Variants in GJA9 observed in about 807,000 individuals in gnomAD.
GJA9 encodes gap junction alpha-9 protein.
In GJA9, 1 loss-of-function variant was observed where a neutral mutation model predicts 0.4. The observed-to-expected ratio is 2.50, with a 90% confidence interval of 0.89 to 11.88. GJA9 has a LOEUF of 11.88. Among genes scored for constraint, GJA9 ranks in the 30% most tolerant of loss-of-function variants. The pLI, the probability that GJA9 is intolerant of heterozygous loss-of-function variation, is 0.12. For synonymous variants in GJA9, 190 were observed against 219.1 expected (o/e 0.87, Z 1.17); for missense variants, 550 against 602.8 (o/e 0.91, Z 0.92).
Position 38,875,735 on chromosome 1 carries a change from C to G in GJA9, c.364G>C (p.Glu122Gln), listed in dbSNP as rs1386677089. The change falls in exon 2 of 2, where the codon GAG becomes CAG. Residue 122 changes from glutamate to glutamine, a missense_variant. Transcript: ENST00000357771. The part of the protein sequence containing the change: ...AQLRVELEEV[E>Q]FEMPRDRRRL... ...CTCCGATCCCTAGGCATTTCAAACT[C>G]TACCTCCTCCAGTTCTACTCTTAAC... is the stretch of plus-strand genomic sequence containing the variant. 2 of 1,614,246 alleles carry G rather than the reference C, an allele frequency of 1.2e-6. No homozygotes were observed. The highest frequency in any genetic ancestry group is 4.5e-5 in the East Asian group (2 of 44,884).
chr1:38,881,317 A>G, intron 1 of GJA9, 115 bp downstream of exon 1: 1 of 515,754 alleles, frequency 1.9e-6, no homozygotes, highest in Non-Finnish European at 3.4e-6. Context: ...TTTCATAGCA[A>G]ATGACATAAA....
At chr1:38,879,514 C>T (rs1285148641) in intron 1 of GJA9, among the ~76,000 whole-genome samples, 5 of 152,186 alleles carry the variant, frequency 3.3e-5, no homozygotes, top group African/African-American at 1.2e-4. Flanking sequence ...ATCATTGTGG[C>T]TTTAGAGTCA....
intron 1 of GJA9, 176 bp from the exon 2 acceptor site, chr1:38,876,369 A>G: frequency 4.8e-6 from 2 of 418,560 alleles, no homozygotes; most frequent in Non-Finnish European, 4.4e-6. Flanking sequence ...AACCTCCCAG[A>G]CTCAAGCGAT....
At chr1:38,880,487 A>G (rs901355171) in intron 1 of GJA9, among the ~76,000 whole-genome samples, 3 of 150,692 alleles carry the variant, frequency 2.0e-5, no homozygotes, top group African/African-American at 7.3e-5. Context: ...AAGCACTTTA[A>G]AATGTAAGCA....
At chr1:38,877,953 A>T (rs1371640161) in intron 1 of GJA9, among the ~76,000 whole-genome samples, 1 of 152,248 alleles carries the variant, frequency 6.6e-6, no homozygotes, top group Non-Finnish European at 1.5e-5. Context: ...AATTGAAATA[A>T]ATTTGAAATA....
At chr1:38,877,808 G>C (rs549912968) in intron 1 of GJA9, among the ~76,000 whole-genome samples, 1 of 152,214 alleles carries the variant, frequency 6.6e-6, no homozygotes, top group African/African-American at 2.4e-5. Flanking sequence ...AAAAGTCAGT[G>C]ATTTTTAAAT....
intron 1 of GJA9, among the ~76,000 whole-genome samples, chr1:38,877,202 G>C (rs1242267277): frequency 6.6e-6 from 1 of 150,966 alleles, no homozygotes; most frequent in Non-Finnish European, 1.5e-5. Flanking sequence ...ACCATGCCCG[G>C]ATAATTTTGT....
At position 38,876,381 on chromosome 1, in the gene GJA9, A is replaced by G; in HGVS notation, c.-95-188T>C. 3 of 390,178 alleles carry G rather than the reference A, an allele frequency of 7.7e-6. No homozygotes were observed. In the South Asian group the frequency reaches 1.1e-4, roughly 14 times the overall value. 24.2% of individuals were successfully genotyped at this position (390,178 alleles called of 1,614,324 possible). On this transcript the variant is annotated intron_variant, in intron 1 of 1. Coordinates refer to ENST00000357771, the MANE Select transcript of GJA9 (RefSeq NM_030772.5). ...CTCAACCTCCCAGACTCAAGCGATCATCTCCCCTCTCAGCCTCCTGAGTAG... is the reference window on the plus strand; with the variant it reads ...CTCAACCTCCCAGACTCAAGCGATCGTCTCCCCTCTCAGCCTCCTGAGTAG...
intron 1 of GJA9, among the ~76,000 whole-genome samples, chr1:38,876,868 T>C (rs908322822): frequency 5.9e-5 from 9 of 151,580 alleles, no homozygotes; most frequent in Admixed American, 3.3e-4. Flanking sequence ...TGGCAGGCGC[T>C]TGTAGTCCCA....
chr1:38,881,340 T>G (rs1231840035), intron 1 of GJA9, 92 bp downstream of exon 1: 1 of 667,590 alleles, frequency 1.5e-6, no homozygotes. Context: ...CTGGTATACA[T>G]ATATACAGTA....
intron 1 of GJA9, among the ~76,000 whole-genome samples, chr1:38,876,613 G>A (rs1362730536): frequency 6.6e-6 from 1 of 152,056 alleles, no homozygotes; most frequent in Non-Finnish European, 1.5e-5. Context: ...ATACTTAAAT[G>A]TCAGGAATTT....
intron 1 of GJA9, among the ~76,000 whole-genome samples, chr1:38,880,451 A>ATAG (rs1642676666): frequency 7.3e-6 from 1 of 136,290 alleles, no homozygotes; most frequent in Non-Finnish European, 1.6e-5. Flanking sequence ...AATAATAATA[A>ATAG]TAGCATACTC....
At chr1:38,876,278 T>C (rs1642586525) in intron 1 of GJA9, 85 bp from the exon 2 acceptor site, 1 of 615,874 alleles carries the variant, frequency 1.6e-6, no homozygotes, top group African/African-American at 1.9e-5. Flanking sequence ...TTTTTCTTTG[T>C]TTGTTTGTTT....
Position 38,874,656 on chromosome 1 carries a change from T to C in GJA9, c.1443A>G (p.Pro481=), listed in dbSNP as rs1195898563. 1 of 1,614,100 alleles carries C rather than the reference T, an allele frequency of 6.2e-7. No homozygotes were observed. Among genetic ancestry groups the C allele is most frequent in the Non-Finnish European group, 8.5e-7 (1 of 1,180,042 alleles). ...ADSLGGLSFE[P]GLVRTCNNPV... ...GATTATTACAGGTTCTGACCAACCC[T>C]GGCTCAAAGGACAGCCCTCCCAAAG... Residue 481 remains proline, a synonymous_variant, in exon 2 of 2, where the codon CCA becomes CCG. Coordinates refer to ENST00000357771, the MANE Select transcript of GJA9 (RefSeq NM_030772.5).
intron 1 of GJA9, among the ~76,000 whole-genome samples, chr1:38,879,635 A>G (rs1181306397): frequency 6.6e-6 from 1 of 152,236 alleles, no homozygotes; most frequent in East Asian, 1.9e-4. Flanking sequence ...TAATCATTTA[A>G]ATTTAGGAAT....
Position 38,874,963 on chromosome 1 carries a change from T to G in GJA9, c.1136A>C (p.Lys379Thr), listed in dbSNP as rs1557599288. Residue 379 changes from lysine to threonine, a missense_variant, in exon 2 of 2, where the codon AAA becomes ACA. Transcript: ENST00000357771. ...EKRETEGKDS[K>T]RNYYSRGHRS... ...GTGACCTCTAGAGTAGTAGTTCCTT[T>G]TGCTGTCTTTGCCTTCAGTTTCTCT... 1 of 1,614,244 alleles carries G rather than the reference T, an allele frequency of 6.2e-7. No homozygotes were observed. Among genetic ancestry groups the G allele is most frequent in the South Asian group, 1.1e-5 (1 of 91,084 alleles).
rs773799789 is a variant in GJA9 at position 38,875,632 on chromosome 1, G to A, written c.467C>T (p.Thr156Ile). 2 of 1,614,102 alleles carry A rather than the reference G, an allele frequency of 1.2e-6. No homozygotes were observed. The highest frequency in any genetic ancestry group is 3.3e-5 in the Admixed American group (2 of 60,008). The change falls in exon 2 of 2, where the codon ACT becomes ATT. Residue 156 changes from threonine (T) to isoleucine (I), a missense_variant. By Grantham distance (89) the Thr-to-Ile change is moderately conservative. Coordinates refer to ENST00000357771, the MANE Select transcript of GJA9 (RefSeq NM_030772.5). ...KAPLRGTLLCTYVIHIFTRSV... is the reference protein window; with the variant it reads ...KAPLRGTLLCIYVIHIFTRSV... ...GCGAGTGAAAATGTGTATCACATAA[G>A]TGCAAAGCAAGGTTCCTCTGAGTGG...
chr1:38,874,491 C>G lies in GJA9; in HGVS notation c.*60G>C. ...CTGCCCCTATCTATTTTTTCTGTGC[C>G]CCACGACCACTAGGCTACTTCTCTG... is the stretch of plus-strand genomic sequence containing the variant. On this transcript the variant is annotated 3_prime_UTR_variant, in exon 2 of 2. Coordinates refer to ENST00000357771, the MANE Select transcript of GJA9 (RefSeq NM_030772.5). 2.2e-6 allele frequency: 3 copies of G among 1,343,772 alleles called. No homozygotes were observed. The highest frequency in any genetic ancestry group is 4.6e-5 in the East Asian group (2 of 43,538). 83.2% of individuals were successfully genotyped at this position (1,343,772 alleles called of 1,614,324 possible).
chr1:38,877,599 C>G (rs542808728), intron 1 of GJA9, among the ~76,000 whole-genome samples: 1 of 152,000 alleles, frequency 6.6e-6, no homozygotes. Flanking sequence ...TGGGTTCAAG[C>G]GATTCCCCTG....
Sources: gnomAD v4.1 joint callset for allele counts (sites outside exome capture counted in the v4.1 genomes callset) on GRCh38, gnomAD v4.1.1 for gene constraint, MANE v1.5 for transcripts, NCBI Gene and HGNC (gene_info 2026-07-23, HGNC 2026-07-21) for gene names.